Variants in CCSER2 observed in about 807,000 individuals in gnomAD.
CCSER2 encodes serine-rich coiled-coil domain-containing protein 2.
A neutral mutation model predicts 92.3 loss-of-function variants in CCSER2; 46 were observed. The observed-to-expected ratio is 0.50, with a 90% CI of 0.39 to 0.64. The LOEUF (loss-of-function observed/expected upper bound fraction) is 0.64, where lower values mean the gene tolerates loss of function less well. Ranked by LOEUF, CCSER2 falls within the 30% of genes least tolerant of loss-of-function variation. The pLI is 0.00. For missense variants in CCSER2, 1,244 were observed against 1,238.9 expected (o/e 1.00, Z -0.06); for synonymous variants, 433 against 431.4 (o/e 1.00, Z -0.04).
intron 3 of CCSER2, chr10:84,393,719 T>G (rs41302737): frequency 0.017 from 2,548 of 152,718 alleles, 28 homozygotes; most frequent in Middle Eastern, 0.027. Flanking sequence ...CTTTAAAAAA[T>G]TAAAGGTACT....
chr10:84,472,260 T>G (rs1236746380), intron 8 of CCSER2, among the ~76,000 whole-genome samples: 1 of 152,124 alleles, frequency 6.6e-6, no homozygotes, highest in Admixed American at 6.6e-5. Flanking sequence ...AATGGCACGA[T>G]AAGGCTGAAC....
intron 3 of CCSER2, among the ~76,000 whole-genome samples, chr10:84,378,431 A>ATTT (rs1564614148): frequency 1.4e-5 from 2 of 141,836 alleles, no homozygotes; most frequent in Non-Finnish European, 1.5e-5. Context: ...TTTAAAATTA[A>ATTT]ATTTTTTTTT....
Position 84,371,760 on chromosome 10 carries a change from A to G in CCSER2, c.708A>G (p.Ser236=), listed in dbSNP as rs552393075. The G allele has an allele frequency of 9.9e-6, 16 of 1,613,388 alleles. No homozygotes were observed. The African/African-American group carries it at 1.5e-4, about 15-fold the overall frequency. ...HSIQNSFLPP[S]SITRSHSFNR... Reference sequence around the variant, plus strand: ...TTCAGAATTCATTCCTTCCACCTTCATCTATAACCAGATCACATTCCTTTA... The same window carrying G: ...TTCAGAATTCATTCCTTCCACCTTCGTCTATAACCAGATCACATTCCTTTA... The change falls in exon 2 of 10, where the codon TCA becomes TCG. Residue 236 remains serine (S), a synonymous_variant. Transcript: ENST00000372088.
rs745376805 is a variant in CCSER2, at chr10:84,477,610, G to A, written c.2271G>A (p.Glu757=). 21 of 1,612,282 alleles carry A rather than the reference G, an allele frequency of 1.3e-5. No homozygotes were observed. In the Admixed American group the frequency reaches 3.2e-4, roughly 24 times the overall value. The change falls in exon 9 of 10, where the codon GAG becomes GAA. Residue 757 remains glutamate (E), a synonymous_variant. Coordinates refer to ENST00000372088, the MANE Select transcript of CCSER2 (RefSeq NM_001284240.2). ...TQHICHQKCK[E]EKCTYADKYT... ...ATATCTGCCACCAAAAATGTAAAGA[G>A]GAAAAATGCACTTATGCTGATAAAT... is the stretch of plus-strand genomic sequence containing the variant.
chr10:84,444,288 A>G (rs1844772131), intron 6 of CCSER2, among the ~76,000 whole-genome samples: 1 of 152,162 alleles, frequency 6.6e-6, no homozygotes, highest in Non-Finnish European at 1.5e-5. Flanking sequence ...ACTTGGCCAA[A>G]TTGTTATTTT....
chr10:84,329,709 A>G (rs1296647248), intron 1 of CCSER2, among the ~76,000 whole-genome samples: 1 of 152,190 alleles, frequency 6.6e-6, no homozygotes, highest in Non-Finnish European at 1.5e-5. Context: ...CTCTTTAACC[A>G]AAAGGAACTT....
intron 1 of CCSER2, among the ~76,000 whole-genome samples, chr10:84,364,451 A>C (rs1235933308): frequency 6.6e-6 from 1 of 152,202 alleles, no homozygotes. Flanking sequence ...GGAATCAGGT[A>C]AACTTGAACC....
intron 6 of CCSER2, among the ~76,000 whole-genome samples, chr10:84,440,838 G>A (rs1385329936): frequency 1.3e-5 from 2 of 152,192 alleles, no homozygotes; most frequent in Non-Finnish European, 2.9e-5. Flanking sequence ...ATAGAAGAGA[G>A]TTTTCCCTTA....
At chr10:84,395,144 A>C (rs1430635272) in intron 3 of CCSER2, among the ~76,000 whole-genome samples, 1 of 150,544 alleles carries the variant, frequency 6.6e-6, no homozygotes, top group Non-Finnish European at 1.5e-5. Context: ...CGATCACTTG[A>C]GTCCAGGAGG....
chr10:84,403,047 C>T (rs572669094), intron 3 of CCSER2, among the ~76,000 whole-genome samples: 6 of 152,132 alleles, frequency 3.9e-5, no homozygotes, highest in Non-Finnish European at 8.8e-5. Flanking sequence ...AATTACTCTA[C>T]CTGATGTAAA....
intron 3 of CCSER2, among the ~76,000 whole-genome samples, chr10:84,382,011 C>T (rs1158866435): frequency 6.6e-6 from 1 of 151,904 alleles, no homozygotes; most frequent in Admixed American, 6.6e-5. Flanking sequence ...GTATTAAGCA[C>T]ATCCTGTGTA....
rs367890058 is a variant in CCSER2 at position 84,371,861 on chromosome 10, T to C, written c.809T>C (p.Leu270Pro). 2 of 1,613,798 alleles carry C rather than the reference T, an allele frequency of 1.2e-6. No individual in the cohort carries two copies. Among genetic ancestry groups the C allele is most frequent in the African/African-American group, 1.3e-5 (1 of 74,890 alleles). The part of the protein sequence containing the change: ...SIRVPLRSSM[L>P]TRNSRQPEVL... ...AGAGTGCCTCTACGGTCAAGTATGCTAACAAGAAATTCCCGGCAGCCAGAA... is the reference window on the plus strand; with the variant it reads ...AGAGTGCCTCTACGGTCAAGTATGCCAACAAGAAATTCCCGGCAGCCAGAA... Residue 270 changes from leucine to proline, a missense_variant, in exon 2 of 10, where the codon CTA becomes CCA. Transcript: ENST00000372088.
intron 9 of CCSER2, 57 bp downstream of exon 9, chr10:84,477,721 T>G (rs1847235361): frequency 1.1e-6 from 1 of 929,176 alleles, no homozygotes; most frequent in Non-Finnish European, 1.7e-6. Flanking sequence ...TGATGTTTTA[T>G]TTCACTCTTT....
Position 84,514,403 on chromosome 10 carries a change from T to G in CCSER2, c.*136T>G, listed in dbSNP as rs1373165599. The G allele has an allele frequency of 1.5e-6, 1 of 658,184 alleles. No individual in the cohort carries two copies. Among genetic ancestry groups the G allele is most frequent in the Non-Finnish European group, 2.5e-6 (1 of 395,028 alleles). The allele number at this position is 658,184 out of a possible 1,614,324, so 40.8% of individuals were successfully genotyped here. ...AAATCTTAAATTAAAATGTGGAAGC[T>G]TCTACTAGTTTGGCTCCTTCATTTT... On this transcript the variant is annotated 3_prime_UTR_variant, in exon 10 of 10. Transcript: ENST00000372088.
chr10:84,428,985 G>GTATGTATATATATATA (rs1554847404), intron 5 of CCSER2, among the ~76,000 whole-genome samples: 1 of 140,848 alleles, frequency 7.1e-6, no homozygotes, highest in Non-Finnish European at 1.5e-5. Flanking sequence ...GTGTGTATGT[G>GTATGTATATATATATA]TATATATATA....
intron 3 of CCSER2, among the ~76,000 whole-genome samples, chr10:84,386,632 T>A (rs1841223547): frequency 6.6e-6 from 1 of 152,162 alleles, no homozygotes; most frequent in Non-Finnish European, 1.5e-5. Context: ...GGCACAAGAA[T>A]CACTCGAACC....
chr10:84,446,383 T>G (rs1844916034), intron 6 of CCSER2, among the ~76,000 whole-genome samples: 1 of 152,178 alleles, frequency 6.6e-6, no homozygotes, highest in African/African-American at 2.4e-5. Context: ...CAATAATTTT[T>G]CCCTCACATA....
intron 5 of CCSER2, among the ~76,000 whole-genome samples, chr10:84,435,666 C>CA (rs1381284088): frequency 5.6e-5 from 7 of 124,340 alleles, no homozygotes; most frequent in East Asian, 4.5e-4. Flanking sequence ...ACAAGAACAA[C>CA]AAAAAAATAA....
At chr10:84,510,379 T>TA (rs952821405) in intron 9 of CCSER2, among the ~76,000 whole-genome samples, 4 of 152,194 alleles carry the variant, frequency 2.6e-5, no homozygotes, top group African/African-American at 7.2e-5. Flanking sequence ...CATATGTTGT[T>TA]ACGCTTAAGA....
Sources: allele counts gnomAD v4.1 joint callset (sites outside exome capture counted in the v4.1 genomes callset), GRCh38; gene constraint gnomAD v4.1.1; transcripts MANE v1.5; gene names NCBI Gene and HGNC (gene_info 2026-07-23, HGNC 2026-07-21).